The following ABCC9 variants were observed in gnomAD, a reference collection of about 807,000 sequenced individuals.
The protein encoded by ABCC9 is ATP binding cassette subfamily C member 9.
Under a neutral mutation model 188.3 loss-of-function variants are expected in ABCC9, and 95 were observed. That is an observed-to-expected ratio of 0.50 (90% CI 0.43 to 0.60). The LOEUF (loss-of-function observed/expected upper bound fraction) is 0.60, where lower values mean the gene tolerates loss of function less well. ABCC9 is among the 20% of genes least tolerant of loss of function. The pLI is 0.00. For synonymous variants in ABCC9, 659 were observed against 652.7 expected, an observed-to-expected ratio of 1.01 and a Z score of -0.15; for missense variants, 1,102 against 1,876.3, an observed-to-expected ratio of 0.59 and a Z score of 7.62.
chr12:21,887,313 A>T (rs1369144563), intron 15 of ABCC9, among the ~76,000 whole-genome samples: 1 of 152,174 alleles, frequency 6.6e-6, no homozygotes, highest in Non-Finnish European at 1.5e-5. Flanking sequence ...TAGCTCTACC[A>T]CTTAGTAATC....
At chr12:21,922,840 G>A (rs1292340092) in intron 5 of ABCC9, 7 of 146,138 alleles carry the variant, frequency 4.8e-5, no homozygotes, top group African/African-American at 1.0e-4. Context: ...AGCAAACTTC[G>A]GAGGAAAACA....
chr12:21,902,524 A>C (rs529613739), intron 12 of ABCC9, among the ~76,000 whole-genome samples: 1 of 152,294 alleles, frequency 6.6e-6, no homozygotes, highest in African/African-American at 2.4e-5. Context: ...TTTTTTGAAA[A>C]GATCAACAAA....
chr12:21,880,151 C>G (rs1386687173), intron 16 of ABCC9, among the ~76,000 whole-genome samples: 1 of 151,566 alleles, frequency 6.6e-6, no homozygotes, highest in Non-Finnish European at 1.5e-5. Context: ...ACTAAATGTA[C>G]TACTGCTACA....
chr12:21,816,471 G>T (rs976476078), intron 33 of ABCC9, among the ~76,000 whole-genome samples: 7 of 152,086 alleles, frequency 4.6e-5, no homozygotes, highest in Admixed American at 2.0e-4. Flanking sequence ...GTCCAGGAGG[G>T]CTCCAAGAGG....
At chr12:21,917,206 G>T in intron 5 of ABCC9, 103 bp from the exon 6 acceptor site, 1 of 1,166,806 alleles carries the variant, frequency 8.6e-7, no homozygotes, top group Non-Finnish European at 1.3e-6. Flanking sequence ...GCAATTTTAT[G>T]TACTATATTT....
intron 4 of ABCC9, among the ~76,000 whole-genome samples, chr12:21,926,383 A>T (rs1949046655): frequency 6.6e-6 from 1 of 152,220 alleles, no homozygotes. Context: ...AAGTGAAAAC[A>T]GTTAACTCAA....
At chr12:21,834,474 G>A (rs112496995) in intron 30 of ABCC9, among the ~76,000 whole-genome samples, 13 of 152,190 alleles carry the variant, frequency 8.5e-5, no homozygotes, top group African/African-American at 3.1e-4. Flanking sequence ...ACCTGTCCTT[G>A]ACCTGGGTAG....
chr12:21,911,754 C>A (rs1948335472), intron 8 of ABCC9, among the ~76,000 whole-genome samples: 1 of 151,906 alleles, frequency 6.6e-6, no homozygotes, highest in Non-Finnish European at 1.5e-5. Flanking sequence ...AAGTCCTATT[C>A]TTTCTTAGCA....
intron 5 of ABCC9, chr12:21,925,284 CAA>C: frequency 4.1e-6 from 2 of 491,494 alleles, no homozygotes; most frequent in Non-Finnish European, 3.6e-6. Context: ...TGACCCAAGG[CAA>C]AAATAAAATT....
At chr12:21,875,963 A>G (rs957865443) in intron 16 of ABCC9, among the ~76,000 whole-genome samples, 1 of 152,142 alleles carries the variant, frequency 6.6e-6, no homozygotes. Flanking sequence ...AGGCGCCTGT[A>G]GTCCCAGCTA....
At chr12:21,843,411 T>C (rs1013809772) in intron 28 of ABCC9, among the ~76,000 whole-genome samples, 9 of 152,212 alleles carry the variant, frequency 5.9e-5, no homozygotes, top group Admixed American at 2.0e-4. Context: ...TTGAATTTTG[T>C]AGTATTTAAA....
intron 5 of ABCC9, chr12:21,923,827 A>G (rs542527469): frequency 5.4e-5 from 38 of 700,722 alleles, no homozygotes; most frequent in Middle Eastern, 2.3e-4. Flanking sequence ...GAATGTTGAT[A>G]GCAGCTTTTA....
chr12:21,894,983 T>C (rs1947331065), intron 13 of ABCC9, among the ~76,000 whole-genome samples: 1 of 152,188 alleles, frequency 6.6e-6, no homozygotes, highest in Admixed American at 6.5e-5. Flanking sequence ...CATTTGGCAA[T>C]GTTTTGATTG....
intron 30 of ABCC9, among the ~76,000 whole-genome samples, chr12:21,834,784 TATACACACACACACAC>T (rs1313592503): frequency 1.3e-4 from 4 of 30,308 alleles, no homozygotes; most frequent in Non-Finnish European, 2.8e-4. Flanking sequence ...TATATAACAT[TATACACACACACACAC>T]ACACACACAC....
At chr12:21,805,251 C>G in intron 39 of ABCC9, 1 of 1,614,012 alleles carries the variant, frequency 6.2e-7, no homozygotes, top group Non-Finnish European at 8.5e-7. Flanking sequence ...TCACACTCCA[C>G]TAAAATACCC....
chr12:21,864,074 T>G (rs754296947), intron 19 of ABCC9, among the ~76,000 whole-genome samples: 2 of 152,090 alleles, frequency 1.3e-5, no homozygotes, highest in Non-Finnish European at 2.9e-5. Context: ...CACTTGGCTC[T>G]TCATCTCTAC....
intron 22 of ABCC9, among the ~76,000 whole-genome samples, chr12:21,855,285 T>C (rs1945162589): frequency 6.6e-6 from 1 of 152,184 alleles, no homozygotes; most frequent in Admixed American, 6.5e-5. Flanking sequence ...AATGGCATGA[T>C]CTCAGCTCAC....
chr12:21,844,817 G>A lies in ABCC9; in HGVS notation c.3195C>T (p.Ala1065=). ...TGAGAAGGTTGTGGTGAAGATTTTT[G>A]GCAGCTGTGAGACCCATCCATTCTA... is the stretch of plus-strand genomic sequence containing the variant. ...LTVEWMGLTA[A]KNLHHNLLNK... is the part of the protein sequence containing the mutation. The change falls in exon 27 of 40, where the codon GCC becomes GCT. Residue 1065 remains alanine, a synonymous_variant. Coordinates refer to ENST00000261200, the MANE Select transcript of ABCC9 (RefSeq NM_020297.4). 6.2e-7 allele frequency: 1 copy of A among 1,613,874 alleles called. No homozygotes were observed. Among genetic ancestry groups the A allele is most frequent in the South Asian group, 1.1e-5 (1 of 91,072 alleles).
At chr12:21,869,020 G>A (rs1205690947) in intron 18 of ABCC9, among the ~76,000 whole-genome samples, 5 of 151,998 alleles carry the variant, frequency 3.3e-5, no homozygotes, top group Non-Finnish European at 5.9e-5. Flanking sequence ...AAAAAAATAA[G>A]TAATTCTTTT....
Sources: allele counts gnomAD v4.1 joint callset (sites outside exome capture counted in the v4.1 genomes callset), GRCh38; gene constraint gnomAD v4.1.1; transcripts MANE v1.5; gene names NCBI Gene and HGNC (gene_info 2026-07-23, HGNC 2026-07-21).